Variants in RBM3 observed in about 807,000 individuals in gnomAD.
RBM3 encodes RNA binding motif protein 3.
In RBM3, 3 loss-of-function variants were observed where a neutral mutation model predicts 12.0. The ratio of observed to expected loss-of-function variants is 0.25; its 90% CI spans 0.11 to 0.65. The LOEUF (loss-of-function observed/expected upper bound fraction) is 0.65, where lower values mean the gene tolerates loss of function less well. Among genes scored for constraint, RBM3 ranks in the 30% least tolerant of loss-of-function variants. RBM3 has a pLI of 0.84. For missense variants in RBM3, 108 were observed against 134.5 expected (o/e 0.80, Z 0.97); for synonymous variants, 58 against 45.7 (o/e 1.27, Z -1.08).
chrX:48,577,316 C>CTATAA, intron 6 of RBM3, 149 bp from the exon 7 acceptor site: 1 of 941,855 alleles, frequency 1.1e-6, no homozygotes, highest in East Asian at 3.4e-5. Context: ...AACCCATCTC[C>CTATAA]TATAATCTTC....
rs2062083768 is a variant in RBM3 at position 48,577,020 on chromosome X, C to G, written c.414-6C>G. The G allele has an allele frequency of 8.3e-7, 1 of 1,206,835 alleles. No individual in the cohort carries two copies. The highest frequency in any genetic ancestry group is 1.1e-6 in the Non-Finnish European group (1 of 893,999). On this transcript the variant is annotated splice_region_variant and splice_polypyrimidine_tract_variant and intron_variant, in intron 5 of 6. Transcript: ENST00000376759. ...AAAACTTTTGTGTGTTTTTTTTCCC[C>G]CCCAGAAACCAGGGTGGTTATGACC...
At chrX:48,576,902 A>G (rs1407993226) in intron 5 of RBM3, 124 bp from the exon 6 acceptor site, 7 of 882,985 alleles carry the variant, frequency 7.9e-6, no homozygotes, top group South Asian at 2.5e-5. Context: ...TATGCTTAAC[A>G]TATCCTGTTT....
chrX:48,576,719 GTA>G, intron 5 of RBM3, 115 bp downstream of exon 5: 2 of 1,054,964 alleles, frequency 1.9e-6, no homozygotes, highest in Non-Finnish European at 2.5e-6. Context: ...CCTAAAATGA[GTA>G]TGAAATTTAG....
chrX:48,574,772 C>T (rs1556988815), intron 1 of RBM3, 199 bp downstream of exon 1: 4 of 334,218 alleles, frequency 1.2e-5, no homozygotes, highest in South Asian at 1.0e-4. Context: ...GAGTGTGAGG[C>T]CTACCGGGAG....
At chrX:48,576,659 T>A (rs1268831015) in intron 5 of RBM3, 55 bp downstream of exon 5, 1 of 1,147,376 alleles carries the variant, frequency 8.7e-7, no homozygotes, top group Non-Finnish European at 1.2e-6. Context: ...CCTTAAGAAC[T>A]CAGCGCCTGG....
At position 48,576,578 on chromosome X, in the gene RBM3, T is replaced by C. The variant is rs1602132248; in HGVS notation, c.387T>C (p.Tyr129=). ...DSRPGGYGYG[Y]GRSRDYNGRN... ...GACCTGGAGGGTATGGATATGGATA[T>C]GGACGTTCCAGAGACTATAATGGCA... Residue 129 remains tyrosine, a synonymous_variant, in exon 5 of 7, where the codon TAT becomes TAC. Coordinates refer to ENST00000376759, the MANE Select transcript of RBM3 (RefSeq NM_006743.5). The C allele has an allele frequency of 1.7e-6, 2 of 1,176,810 alleles. No individual in the cohort carries two copies. Among genetic ancestry groups the C allele is most frequent in the Admixed American group, 5.0e-5 (2 of 40,084 alleles).
Position 48,576,309 on chromosome X carries a change from C to G in RBM3, c.211-5C>G. 8.3e-7 allele frequency: 1 copy of G among 1,207,348 alleles called. No homozygotes were observed. The highest frequency in any genetic ancestry group is 1.1e-6 in the Non-Finnish European group (1 of 893,728). On this transcript the variant is annotated splice_polypyrimidine_tract_variant and splice_region_variant and intron_variant, in intron 3 of 6. Coordinates refer to ENST00000376759, the MANE Select transcript of RBM3 (RefSeq NM_006743.5). Reference sequence around the variant, plus strand: ...ACCCATCATCCTTGTGTCTCCCACACTTAGTCTCTGGATGGTCGTCAGATC... The same window carrying G: ...ACCCATCATCCTTGTGTCTCCCACAGTTAGTCTCTGGATGGTCGTCAGATC...
At chrX:48,577,290 G>C in intron 6 of RBM3, 175 bp from the exon 7 acceptor site, 1 of 1,045,677 alleles carries the variant, frequency 9.6e-7, no homozygotes. Context: ...AAGTTTGCTA[G>C]GGGGTGGGAT....
At chrX:48,575,489 G>T in intron 2 of RBM3, 72 bp from the exon 3 acceptor site, 2 of 989,715 alleles carry the variant, frequency 2.0e-6, no homozygotes, top group African/African-American at 3.8e-5. Context: ...CTCCTTTTCC[G>T]GCCACCCTTT....
chrX:48,574,886 G>T, intron 1 of RBM3: 1 of 404,882 alleles, frequency 2.5e-6, no homozygotes, highest in Non-Finnish European at 4.6e-6. Context: ...TTAAGGGAAC[G>T]CAGGGATGTT....
rs782481480 is a variant in RBM3 at position 48,575,152 on chromosome X, C to G, written c.-13-16C>G. ...CTTTCTCCTTCCTGCCACCATTCTT[C>G]ATGTTCTTCCCACAGGACTTGAACT... is the stretch of plus-strand genomic sequence containing the variant. On this transcript the variant is annotated splice_polypyrimidine_tract_variant and intron_variant, in intron 1 of 6. Coordinates refer to ENST00000376759, the MANE Select transcript of RBM3 (RefSeq NM_006743.5). The G allele has an allele frequency of 8.9e-7, 1 of 1,117,542 alleles. No homozygotes were observed. The highest frequency in any genetic ancestry group is 1.9e-5 in the South Asian group (1 of 53,035). 92.1% of individuals were successfully genotyped at this position (1,117,542 alleles called of 1,213,427 possible).
rs1280362712 is a variant in RBM3, at chrX:48,578,752, G to A, written c.*1311G>A. ...TGAGAACATAAGCACCTAATCTCAT[G>A]GCGTGAGCTAATCCCTATCATAAAT... On this transcript the variant is annotated 3_prime_UTR_variant, in exon 7 of 7. Transcript: ENST00000376759. 1 of 111,615 alleles carries A rather than the reference G, an allele frequency of 9.0e-6. No individual in the cohort carries two copies. Among genetic ancestry groups the A allele is most frequent in the Non-Finnish European group, 1.9e-5 (1 of 53,154 alleles). The allele number at this position is 111,615 out of a possible 1,213,427, so 9.2% of individuals were successfully genotyped here.
chrX:48,577,616 C>A lies in RBM3; in HGVS notation c.*175C>A. ...CCAAGGTAGCTGAAGACCTTTTAGA[C>A]AGTTCCATCTTTTTTTTTAAATTTT... On this transcript the variant is annotated 3_prime_UTR_variant, in exon 7 of 7. Transcript: ENST00000376759. The A allele has an allele frequency of 2.3e-6, 1 of 441,483 alleles. No homozygotes were observed. Among genetic ancestry groups the A allele is most frequent in the African/African-American group, 2.6e-5 (1 of 37,988 alleles). 36.4% of individuals were successfully genotyped at this position (441,483 alleles called of 1,213,427 possible). A position where few individuals can be genotyped will look rare whatever the true frequency, so the allele number is the denominator to read the frequency against.
intron 1 of RBM3, 156 bp downstream of exon 1, chrX:48,574,729 T>C: frequency 3.0e-6 from 1 of 330,963 alleles, no homozygotes; most frequent in Non-Finnish European, 5.9e-6. Flanking sequence ...AGGTGAAACA[T>C]TTCGGTTGGT....
At position 48,580,246 on chromosome X, in the gene RBM3, CTT is replaced by C. The variant is rs1441950965; in HGVS notation, c.*2807_*2808del. ...GATTGGCTTTTGGTTTTCAATTAGGCTTTCAAGTCCTAAGCCCAACCCCTCCT... is the reference window on the plus strand; with the variant it reads ...GATTGGCTTTTGGTTTTCAATTAGGCTCAAGTCCTAAGCCCAACCCCTCCT... On this transcript the variant is annotated 3_prime_UTR_variant, in exon 7 of 7. Transcript: ENST00000376759. 2.7e-5 allele frequency among the ~76,000 whole-genome samples: 3 copies of C among 111,969 alleles called. No homozygotes were observed. The highest frequency in any genetic ancestry group is 9.7e-5 in the African/African-American group (3 of 30,856).
chrX:48,578,903 C>T lies in RBM3; in HGVS notation c.*1462C>T, dbSNP rs924711625. The T allele has an allele frequency of 9.0e-6, 1 of 111,603 alleles. No homozygotes were observed. Among genetic ancestry groups the T allele is most frequent in the Admixed American group, 9.5e-5 (1 of 10,487 alleles). The allele number at this position is 111,603 out of a possible 1,213,427, so 9.2% of individuals were successfully genotyped here. On this transcript the variant is annotated 3_prime_UTR_variant, in exon 7 of 7. Coordinates refer to ENST00000376759, the MANE Select transcript of RBM3 (RefSeq NM_006743.5). ...AAAACAATGCTAAGAGCTCAGATTCCAGGATTTATGTAGGGGCTCTTCTAC... is the reference window on the plus strand; with the variant it reads ...AAAACAATGCTAAGAGCTCAGATTCTAGGATTTATGTAGGGGCTCTTCTAC...
intron 6 of RBM3, 136 bp from the exon 7 acceptor site, chrX:48,577,329 C>T: frequency 1.1e-6 from 1 of 923,101 alleles, no homozygotes; most frequent in Non-Finnish European, 1.5e-6. Flanking sequence ...TAATCTTCTA[C>T]TCTTGTGTGG....
chrX:48,575,848 G>A, intron 3 of RBM3, 181 bp downstream of exon 3: 1 of 541,146 alleles, frequency 1.8e-6, no homozygotes, highest in South Asian at 3.1e-5. Context: ...GAGCCTGGCC[G>A]CCTGGGAGGC....
At chrX:48,575,344 C>T (rs1289466545) in intron 2 of RBM3, 61 bp downstream of exon 2, 1 of 1,040,297 alleles carries the variant, frequency 9.6e-7, no homozygotes, top group Non-Finnish European at 1.3e-6. Context: ...CCTTGCATTT[C>T]AAGGAGTATT....
Sources: allele counts gnomAD v4.1 joint callset (sites outside exome capture counted in the v4.1 genomes callset), GRCh38; gene constraint gnomAD v4.1.1; transcripts MANE v1.5; gene names NCBI Gene and HGNC (gene_info 2026-07-23, HGNC 2026-07-21).